The following DCC variants were observed in gnomAD, a reference collection of about 807,000 sequenced individuals.
The protein encoded by DCC is DCC netrin 1 receptor.
A neutral mutation model predicts 172.5 loss-of-function variants in DCC; 58 were observed. The observed-to-expected ratio is 0.34, with a 90% confidence interval of 0.27 to 0.42. The LOEUF (loss-of-function observed/expected upper bound fraction) is 0.42. Among genes scored for constraint, DCC ranks in the 10% least tolerant of loss-of-function variants. The pLI is 1.00. For missense variants in DCC, 1,740 were observed against 1,791.0 expected (o/e 0.97, Z 0.51); for synonymous variants, 709 against 644.5 (o/e 1.10, Z -1.52).
At chr18:52,451,736 A>G (rs1330546919) in intron 1 of DCC, among the ~76,000 whole-genome samples, 2 of 152,120 alleles carry the variant, frequency 1.3e-5, no homozygotes, top group Admixed American at 6.6e-5. Context: ...GCAAGTAAAA[A>G]GGTATAAGTG....
At chr18:52,349,689 A>G (rs1280841218) in intron 1 of DCC, among the ~76,000 whole-genome samples, 1 of 152,166 alleles carries the variant, frequency 6.6e-6, no homozygotes, top group Non-Finnish European at 1.5e-5. Context: ...TGATTCCTGC[A>G]TACCCTTTTC....
chr18:53,480,104 A>G (rs2045814107), intron 25 of DCC, among the ~76,000 whole-genome samples: 1 of 152,210 alleles, frequency 6.6e-6, no homozygotes, highest in Admixed American at 6.5e-5. Context: ...GATGTTCACA[A>G]CTATTTCATA....
Position 52,949,905 on chromosome 18 carries a change from T to C in DCC, c.985+24535T>C, listed in dbSNP as rs73459000. Among the ~76,000 whole-genome samples, 447 of 152,246 alleles carry C rather than the reference T, an allele frequency of 2.9e-3. 2 individuals carry two copies. The highest frequency in any genetic ancestry group is 0.01 in the African/African-American group (436 of 41,552). ...TCTCAATTTGAGTTTATTTCCATCA[T>C]AGAAAAAAGAATGTAGAAGGCTAAA... On this transcript the variant is annotated intron_variant, in intron 5 of 28. Coordinates refer to ENST00000442544, the MANE Select transcript of DCC (RefSeq NM_005215.4).
Position 53,282,714 on chromosome 18 carries a change from G to A in DCC, c.1912-22864G>A, listed in dbSNP as rs185626215. 1.7e-3 allele frequency among the ~76,000 whole-genome samples: 265 copies of A among 152,134 alleles called. 1 individual carries two copies. Among genetic ancestry groups the A allele is most frequent in the African/African-American group, 6.1e-3 (255 of 41,528 alleles). Reference sequence around the variant, plus strand: ...TTTAAAAAGATTCATGTTTTTTCAAGTGGGGAATGAGCTAAAATAAGGAAT... The same window carrying A: ...TTTAAAAAGATTCATGTTTTTTCAAATGGGGAATGAGCTAAAATAAGGAAT... On this transcript the variant is annotated intron_variant, in intron 12 of 28. Coordinates refer to ENST00000442544, the MANE Select transcript of DCC (RefSeq NM_005215.4).
At chr18:53,162,131 T>A (rs2054850523) in intron 8 of DCC, among the ~76,000 whole-genome samples, 1 of 152,044 alleles carries the variant, frequency 6.6e-6, no homozygotes, top group Admixed American at 6.6e-5. Context: ...AAACCCCGTT[T>A]CCACTAAACA....
chr18:52,486,174 G>A (rs2030212553), intron 1 of DCC, among the ~76,000 whole-genome samples: 1 of 152,040 alleles, frequency 6.6e-6, no homozygotes, highest in Non-Finnish European at 1.5e-5. Flanking sequence ...ATACAGTTTA[G>A]ATCACAGTAT....
chr18:53,293,022 A>G (rs1348434383), intron 12 of DCC, among the ~76,000 whole-genome samples: 1 of 152,188 alleles, frequency 6.6e-6, no homozygotes, highest in Non-Finnish European at 1.5e-5. Flanking sequence ...AAACTAAAAT[A>G]AGAGCAAAAC....
In DCC at chr18:52,927,110, TATATAC is replaced by T. The variant is rs1371226696; in HGVS notation, c.985+1741_985+1746del. Among the ~76,000 whole-genome samples the T allele has an allele frequency of 1.2e-3, 108 of 92,640 alleles. 17 individuals carry two copies. Among genetic ancestry groups the T allele is most frequent in the African/African-American group, 2.8e-3 (71 of 25,430 alleles). The allele number at this position is 92,640 out of a possible 152,430, so 60.8% of individuals were successfully genotyped here. On this transcript the variant is annotated intron_variant, in intron 5 of 28. Transcript: ENST00000442544. ...ACACGTATATACGTGTATATACACGTATATACGTGTATATACACGTATATACGTGTA... is the reference window on the plus strand; with the variant it reads ...ACACGTATATACGTGTATATACACGTGTGTATATACACGTATATACGTGTA...
chr18:53,384,122 A>G (rs1046354975), intron 15 of DCC, among the ~76,000 whole-genome samples: 2 of 151,826 alleles, frequency 1.3e-5, no homozygotes, highest in Admixed American at 6.6e-5. Flanking sequence ...TGGTCATCGT[A>G]TATGCCTAAA....
chr18:53,220,317 A>G (rs2144589763), intron 12 of DCC, among the ~76,000 whole-genome samples: 2 of 152,262 alleles, frequency 1.3e-5, no homozygotes, highest in Non-Finnish European at 2.9e-5. Context: ...ACATACTTTT[A>G]GAAAAGGGGT....
chr18:53,316,596 A>G (rs1338364063), intron 13 of DCC, among the ~76,000 whole-genome samples: 1 of 152,048 alleles, frequency 6.6e-6, no homozygotes, highest in African/African-American at 2.4e-5. Context: ...ATGAGCATGG[A>G]ATGTTTTTCC....
chr18:52,459,014 G>A (rs1422685579), intron 1 of DCC, among the ~76,000 whole-genome samples: 5 of 152,050 alleles, frequency 3.3e-5, no homozygotes, highest in Non-Finnish European at 7.4e-5. Context: ...CAATGAATGT[G>A]CTTTAACTCT....
chr18:52,599,831 A>G (rs1196878419), intron 1 of DCC, among the ~76,000 whole-genome samples: 1 of 151,480 alleles, frequency 6.6e-6, no homozygotes, highest in Non-Finnish European at 1.5e-5. Context: ...AAATATTTTA[A>G]AAAGCAAAAA....
chr18:53,530,733 C>G lies in DCC; in HGVS notation c.*80C>G. On this transcript the variant is annotated 3_prime_UTR_variant, in exon 29 of 29. Coordinates refer to ENST00000442544, the MANE Select transcript of DCC (RefSeq NM_005215.4). ...TTACCCATAAACAGCACACCTGTGT[C>G]CAAGAACTCTAACCAGTGTACAGGT... The G allele has an allele frequency of 1.2e-6, 1 of 813,996 alleles. No homozygotes were observed. The highest frequency in any genetic ancestry group is 2.2e-6 in the Non-Finnish European group (1 of 451,218). 50.4% of individuals were successfully genotyped at this position (813,996 alleles called of 1,614,324 possible).
chr18:52,567,063 C>T (rs1006542600), intron 1 of DCC, among the ~76,000 whole-genome samples: 7 of 151,926 alleles, frequency 4.6e-5, no homozygotes, highest in African/African-American at 1.7e-4. Context: ...ACTTAAGTAC[C>T]GATTGTTATT....
At chr18:52,807,834 T>G (rs534602764) in intron 2 of DCC, among the ~76,000 whole-genome samples, 1 of 152,328 alleles carries the variant, frequency 6.6e-6, no homozygotes, top group Non-Finnish European at 1.5e-5. Flanking sequence ...ATTTTACGTT[T>G]TCTTATTATG....
At chr18:53,091,598 T>C (rs981992509) in intron 7 of DCC, among the ~76,000 whole-genome samples, 10 of 151,552 alleles carry the variant, frequency 6.6e-5, no homozygotes, top group African/African-American at 2.4e-4. Flanking sequence ...TGATGGCTTC[T>C]TGTATCCTCG....
intron 7 of DCC, among the ~76,000 whole-genome samples, chr18:53,094,591 A>G (rs935483380): frequency 1.3e-5 from 2 of 152,258 alleles, no homozygotes; most frequent in Non-Finnish European, 2.9e-5. Flanking sequence ...TGAATTTTTC[A>G]GTGAAACTTT....
At chr18:52,925,888 C>G (rs4940225) in intron 5 of DCC, among the ~76,000 whole-genome samples, 145,323 of 150,530 alleles carry the variant, frequency 0.97, 70,455 homozygotes, top group Middle Eastern at 1. Context: ...ATAATTTAAA[C>G]AGATTTAAGG....
Sources: allele counts gnomAD v4.1 joint callset (sites outside exome capture counted in the v4.1 genomes callset), GRCh38; gene constraint gnomAD v4.1.1; transcripts MANE v1.5; gene names NCBI Gene and HGNC (gene_info 2026-07-23, HGNC 2026-07-21).